LDB2: variants seen among roughly 807,000 people sequenced by gnomAD.
The protein encoded by LDB2 is LIM domain binding 2.
In LDB2, 12 loss-of-function variants were observed where a neutral mutation model predicts 44.3. The ratio of observed to expected loss-of-function variants is 0.27; its 90% CI spans 0.17 to 0.44. The LOEUF (loss-of-function observed/expected upper bound fraction) is 0.44. Among genes scored for constraint, LDB2 ranks in the 20% least tolerant of loss-of-function variants. LDB2 has a pLI of 1.00. For missense variants in LDB2, 344 were observed against 473.5 expected, an observed-to-expected ratio of 0.73 and a Z score of 2.54; for synonymous variants, 164 against 174.8, an observed-to-expected ratio of 0.94 and a Z score of 0.49.
chr4:16,716,565 G>A (rs1757117278), intron 2 of LDB2, among the ~76,000 whole-genome samples: 1 of 152,114 alleles, frequency 6.6e-6, no homozygotes, highest in African/African-American at 2.4e-5. Flanking sequence ...ATGATCAGTG[G>A]TTTTTAAATC....
chr4:16,769,486 G>C (rs1347173768), intron 1 of LDB2, among the ~76,000 whole-genome samples: 1 of 151,746 alleles, frequency 6.6e-6, no homozygotes, highest in Non-Finnish European at 1.5e-5. Context: ...TAGTAGAAAC[G>C]GGTTTCACCA....
intron 1 of LDB2, among the ~76,000 whole-genome samples, chr4:16,794,984 GGAAA>G (rs1776444172): frequency 6.6e-6 from 1 of 152,176 alleles, no homozygotes; most frequent in African/African-American, 2.4e-5. Context: ...AATCCAGGCA[GGAAA>G]GACACAACCT....
At chr4:16,756,623 G>C (rs1405898909) in intron 2 of LDB2, among the ~76,000 whole-genome samples, 4 of 152,144 alleles carry the variant, frequency 2.6e-5, no homozygotes, top group African/African-American at 9.7e-5. Flanking sequence ...CTATGCATTT[G>C]TGTCCTCATT....
chr4:16,541,358 C>A (rs1352237446), intron 5 of LDB2, among the ~76,000 whole-genome samples: 1 of 152,146 alleles, frequency 6.6e-6, no homozygotes, highest in Non-Finnish European at 1.5e-5. Flanking sequence ...TGTTCCTGTT[C>A]TAGCTTCACC....
intron 1 of LDB2, among the ~76,000 whole-genome samples, chr4:16,817,579 C>T (rs1018766700): frequency 6.6e-6 from 1 of 152,204 alleles, no homozygotes; most frequent in Non-Finnish European, 1.5e-5. Context: ...ATCCTCTGAG[C>T]TGTAATCTAA....
intron 1 of LDB2, among the ~76,000 whole-genome samples, chr4:16,837,114 T>A (rs1261675071): frequency 6.6e-6 from 1 of 152,218 alleles, no homozygotes; most frequent in African/African-American, 2.4e-5. Flanking sequence ...AGTGTTAATA[T>A]GAGCAGCTAA....
At chr4:16,836,961 C>T (rs1784984726) in intron 1 of LDB2, among the ~76,000 whole-genome samples, 1 of 152,184 alleles carries the variant, frequency 6.6e-6, no homozygotes, top group South Asian at 2.1e-4. Flanking sequence ...TCATATTACA[C>T]ACACTGAACT....
chr4:16,756,610 T>C (rs1766708586), intron 2 of LDB2, among the ~76,000 whole-genome samples: 1 of 152,226 alleles, frequency 6.6e-6, no homozygotes, highest in Non-Finnish European at 1.5e-5. Flanking sequence ...TTTCTACAAA[T>C]GTCTATGCAT....
intron 1 of LDB2, among the ~76,000 whole-genome samples, chr4:16,804,636 A>G (rs1009809781): frequency 6.6e-6 from 1 of 152,222 alleles, no homozygotes; most frequent in Non-Finnish European, 1.5e-5. Context: ...AATATAGCAG[A>G]GAGAGGTAAC....
intron 2 of LDB2, among the ~76,000 whole-genome samples, chr4:16,725,901 A>G (rs1359232732): frequency 7.2e-6 from 1 of 138,076 alleles, no homozygotes; most frequent in Non-Finnish European, 1.6e-5. Context: ...ATATATATAT[A>G]TTATGTATAT....
chr4:16,590,911 A>G (rs1485525593), intron 3 of LDB2, among the ~76,000 whole-genome samples: 3 of 152,154 alleles, frequency 2.0e-5, no homozygotes, highest in African/African-American at 7.2e-5. Flanking sequence ...TTTGGAATTA[A>G]TTTACGAAGA....
intron 2 of LDB2, among the ~76,000 whole-genome samples, chr4:16,676,927 A>G (rs552110108): frequency 6.6e-6 from 1 of 152,336 alleles, no homozygotes; most frequent in East Asian, 1.9e-4. Flanking sequence ...GTCAGGTGCC[A>G]GATGGTGAGG....
intron 2 of LDB2, among the ~76,000 whole-genome samples, chr4:16,753,105 C>T (rs1765802082): frequency 6.6e-6 from 1 of 152,178 alleles, no homozygotes; most frequent in African/African-American, 2.4e-5. Context: ...ATCCCATTCC[C>T]CATGTGCTGC....
chr4:16,675,730 T>C (rs904093289), intron 2 of LDB2, among the ~76,000 whole-genome samples: 3 of 152,212 alleles, frequency 2.0e-5, no homozygotes, highest in African/African-American at 7.2e-5. Flanking sequence ...TCATGTAACA[T>C]ATGTTTAACA....
rs555117712 is a variant in LDB2, at chr4:16,897,980, A to G, written c.132+374T>C. On this transcript the variant is annotated intron_variant, in intron 1 of 7. Coordinates refer to ENST00000304523, the MANE Select transcript of LDB2 (RefSeq NM_001290.5). ...TATATATATATATATATATACACATATGTATATATATATATAGCCAGATGC... is the reference window on the plus strand; with the variant it reads ...TATATATATATATATATATACACATGTGTATATATATATATAGCCAGATGC... Among the ~76,000 whole-genome samples the G allele has an allele frequency of 4.4e-3, 582 of 132,724 alleles. 3 individuals are homozygous for G. The highest frequency in any genetic ancestry group is 6.0e-3 in the Non-Finnish European group (379 of 62,976). The allele number at this position is 132,724 out of a possible 152,430, so 87.1% of individuals were successfully genotyped here. A position where few individuals can be genotyped will look rare whatever the true frequency, so the allele number is the denominator to read the frequency against.
At chr4:16,707,984 T>C (rs1414115006) in intron 2 of LDB2, among the ~76,000 whole-genome samples, 1 of 152,186 alleles carries the variant, frequency 6.6e-6, no homozygotes, top group African/African-American at 2.4e-5. Context: ...AAATGAGCCA[T>C]TTCCCGTGTT....
chr4:16,519,380 T>C (rs62296891), intron 5 of LDB2, among the ~76,000 whole-genome samples: 11,766 of 151,528 alleles, frequency 0.078, 612 homozygotes, highest in South Asian at 0.13. Flanking sequence ...GTACAGCTAT[T>C]TGAAGGGCAG....
At chr4:16,861,114 G>C (rs190722714) in intron 1 of LDB2, among the ~76,000 whole-genome samples, 1 of 152,098 alleles carries the variant, frequency 6.6e-6, no homozygotes, top group Admixed American at 6.6e-5. Context: ...TCATTGGAAC[G>C]TTCATAAAAA....
intron 1 of LDB2, among the ~76,000 whole-genome samples, chr4:16,858,081 A>T (rs538565641): frequency 6.6e-6 from 1 of 152,320 alleles, no homozygotes; most frequent in South Asian, 2.1e-4. Context: ...AAAATACAGC[A>T]AGTAATGCCT....
Sources: gnomAD v4.1 joint callset for allele counts (sites outside exome capture counted in the v4.1 genomes callset) on GRCh38, gnomAD v4.1.1 for gene constraint, MANE v1.5 for transcripts, NCBI Gene and HGNC (gene_info 2026-07-23, HGNC 2026-07-21) for gene names.